MTERF1: variants seen among roughly 807,000 people sequenced by gnomAD.
The protein encoded by MTERF1 is mitochondrial transcription termination factor 1, also known as transcription termination factor 1, mitochondrial.
A neutral mutation model predicts 31.6 loss-of-function variants in MTERF1; 29 were observed. The ratio of observed to expected loss-of-function variants is 0.92; its 90% CI spans 0.68 to 1.25. MTERF1 has a LOEUF of 1.25. Ranked by LOEUF, MTERF1 falls within the 50% of genes most tolerant of loss-of-function variation. The pLI is 0.00. For synonymous variants in MTERF1, 152 were observed against 164.1 expected (o/e 0.93, Z 0.57); for missense variants, 500 against 469.1 (o/e 1.07, Z -0.61).
chr7:91,871,093 A>G lies in MTERF1; in HGVS notation c.*2501T>C, dbSNP rs1490632266. ...GGCTGGCCAATATTTCTATAATTCT[A>G]TCTTTAAAAAAAAAGAATTGACTCT... On this transcript the variant is annotated 3_prime_UTR_variant, in exon 3 of 3. Transcript: ENST00000351870. 1 of 151,920 alleles carries G rather than the reference A, an allele frequency of 6.6e-6. No individual in the cohort carries two copies. The highest frequency in any genetic ancestry group is 1.5e-5 in the Non-Finnish European group (1 of 67,982). The allele number at this position is 151,920 out of a possible 1,614,324, so 9.4% of individuals were successfully genotyped here. A position where few individuals can be genotyped will look rare whatever the true frequency, so the allele number is the denominator to read the frequency against.
In MTERF1 at chr7:91,871,471, A is replaced by C. The variant is rs1478759531; in HGVS notation, c.*2123T>G. Reference sequence around the variant, plus strand: ...AGAAATCAATACTTTAAGCCATAACAGTAAAATGTATTCCCAATACTACTG... The same window carrying C: ...AGAAATCAATACTTTAAGCCATAACCGTAAAATGTATTCCCAATACTACTG... On this transcript the variant is annotated 3_prime_UTR_variant, in exon 3 of 3. Coordinates refer to ENST00000351870, the MANE Select transcript of MTERF1 (RefSeq NM_006980.5). 1 of 152,244 alleles carries C rather than the reference A, an allele frequency of 6.6e-6. No homozygotes were observed. Among genetic ancestry groups the C allele is most frequent in the Non-Finnish European group, 1.5e-5 (1 of 68,042 alleles). The allele number at this position is 152,244 out of a possible 1,614,324, so 9.4% of individuals were successfully genotyped here. A position where few individuals can be genotyped will look rare whatever the true frequency, so the allele number is the denominator to read the frequency against.
At chr7:91,879,975 G>T in intron 2 of MTERF1, 80 bp downstream of exon 2, 1 of 1,517,956 alleles carries the variant, frequency 6.6e-7, no homozygotes, top group South Asian at 1.1e-5. Flanking sequence ...ACTAATCACT[G>T]GCCCTAAAAT....
intron 1 of MTERF1, 111 bp from the exon 2 acceptor site, chr7:91,880,224 A>C (rs1789470835): frequency 1.2e-6 from 1 of 807,062 alleles, no homozygotes; most frequent in Admixed American, 2.6e-5. Context: ...TTCTCGTGAG[A>C]TGCATTACCT....
chr7:91,877,993 C>T (rs113336403), intron 2 of MTERF1, among the ~76,000 whole-genome samples: 2 of 152,170 alleles, frequency 1.3e-5, no homozygotes, highest in African/African-American at 4.8e-5. Flanking sequence ...CCTACCTTTG[C>T]TTAAGCTGTT....
rs946429456 is a variant in MTERF1 at position 91,873,492 on chromosome 7, C to T, written c.*102G>A. The T allele has an allele frequency of 3.0e-6, 3 of 1,001,304 alleles. No homozygotes were observed. The highest frequency in any genetic ancestry group is 2.9e-6 in the Non-Finnish European group (2 of 699,056). 62.0% of individuals were successfully genotyped at this position (1,001,304 alleles called of 1,614,324 possible). On this transcript the variant is annotated 3_prime_UTR_variant, in exon 3 of 3. Transcript: ENST00000351870. Reference sequence around the variant, plus strand: ...GTAATTCAGGATAATCTCCCCATCTCAAGGCCCTTAATAACATTTTAAATT... The same window carrying T: ...GTAATTCAGGATAATCTCCCCATCTTAAGGCCCTTAATAACATTTTAAATT...
At position 91,874,108 on chromosome 7, in the gene MTERF1, T is replaced by C; in HGVS notation, c.686A>G (p.Asp229Gly). Residue 229 changes from aspartate to glycine, a missense_variant, in exon 3 of 3, where the codon GAT becomes GGT. Coordinates refer to ENST00000351870, the MANE Select transcript of MTERF1 (RefSeq NM_006980.5). The stretch of plus-strand genomic sequence containing the variant: ...TATCTTTCTGACAAAATCTGCGGGA[T>C]CATTGTGACCCAATGACAAACCGGC... Reference protein sequence around the residue: ...QAAGLSLGHNDPADFVRKIIF... With the variant: ...QAAGLSLGHNGPADFVRKIIF... 3 of 1,614,182 alleles carry C rather than the reference T, an allele frequency of 1.9e-6. No homozygotes were observed. Among genetic ancestry groups the C allele is most frequent in the Non-Finnish European group, 1.7e-6 (2 of 1,180,036 alleles).
chr7:91,877,008 T>C, intron 2 of MTERF1: 4 of 846,282 alleles, frequency 4.7e-6, no homozygotes, highest in Non-Finnish European at 5.7e-6. Flanking sequence ...TACAATGGGA[T>C]GGAGGAAGAA....
At position 91,880,132 on chromosome 7, in the gene MTERF1, CACA is replaced by C; in HGVS notation, c.-30-22_-30-20del. The C allele has an allele frequency of 6.2e-7, 1 of 1,602,140 alleles. No individual in the cohort carries two copies. Among genetic ancestry groups the C allele is most frequent in the Non-Finnish European group, 8.5e-7 (1 of 1,175,320 alleles). The stretch of plus-strand genomic sequence containing the variant: ...GCTATCTCTGGAAATGACACACACA[CACA>C]AAAAAAAGGCAAAATATTTCAGGCC... On this transcript the variant is annotated intron_variant, in intron 1 of 2. Coordinates refer to ENST00000351870, the MANE Select transcript of MTERF1 (RefSeq NM_006980.5).
chr7:91,871,808 C>T lies in MTERF1; in HGVS notation c.*1786G>A, dbSNP rs906686513. On this transcript the variant is annotated 3_prime_UTR_variant, in exon 3 of 3. Coordinates refer to ENST00000351870, the MANE Select transcript of MTERF1 (RefSeq NM_006980.5). The stretch of plus-strand genomic sequence containing the variant: ...TGGTTGCTGCTATGGTTTGACTATC[C>T]ATCCCCTCCAAAACTCATGTTGAAA... 6.6e-6 allele frequency: 1 copy of T among 152,192 alleles called. No homozygotes were observed. The highest frequency in any genetic ancestry group is 1.5e-5 in the Non-Finnish European group (1 of 68,044). The allele number at this position is 152,192 out of a possible 1,614,324, so 9.4% of individuals were successfully genotyped here.
rs558113083 is a variant in MTERF1 at position 91,879,075 on chromosome 7, G to A, written c.29+980C>T. 7.2e-5 allele frequency among the ~76,000 whole-genome samples: 11 copies of A among 152,166 alleles called. No homozygotes were observed. In the South Asian group the frequency reaches 2.1e-3, roughly 29 times the overall value. On this transcript the variant is annotated intron_variant, in intron 2 of 2. Coordinates refer to ENST00000351870, the MANE Select transcript of MTERF1 (RefSeq NM_006980.5). The stretch of plus-strand genomic sequence containing the variant: ...CAATAACTGCTTAAACCTGGGAGGC[G>A]GAGGTTGTAGTGAGCTGAGATTGCA...
chr7:91,877,039 G>T (rs1282475063), intron 2 of MTERF1: 6 of 581,850 alleles, frequency 1.0e-5, no homozygotes, highest in Non-Finnish European at 1.3e-5. Context: ...ACTACAATTT[G>T]TATTTGTCTT....
chr7:91,876,750 TA>T, intron 2 of MTERF1: 2 of 234,740 alleles, frequency 8.5e-6, no homozygotes, highest in Non-Finnish European at 1.4e-5. Context: ...ATCCATACTC[TA>T]CTGAGCTCAC....
At chr7:91,879,963 T>C in intron 2 of MTERF1, 92 bp downstream of exon 2, 5 of 1,480,930 alleles carry the variant, frequency 3.4e-6, no homozygotes, top group South Asian at 2.3e-5. Context: ...TTAATGGAAA[T>C]AACTAATCAC....
rs997324459 is a variant in MTERF1, at chr7:91,871,105, AAAG to A, written c.*2486_*2488del. The A allele has an allele frequency of 2.0e-5, 3 of 152,106 alleles. No homozygotes were observed. The highest frequency in any genetic ancestry group is 7.2e-5 in the African/African-American group (3 of 41,416). The allele number at this position is 152,106 out of a possible 1,614,324, so 9.4% of individuals were successfully genotyped here. On this transcript the variant is annotated 3_prime_UTR_variant, in exon 3 of 3. Coordinates refer to ENST00000351870, the MANE Select transcript of MTERF1 (RefSeq NM_006980.5). ...TTTCTATAATTCTATCTTTAAAAAAAAAGAATTGACTCTCCCTTGATCAGACTC... is the reference window on the plus strand; with the variant it reads ...TTTCTATAATTCTATCTTTAAAAAAAAATTGACTCTCCCTTGATCAGACTC...
At chr7:91,880,316 C>A in intron 1 of MTERF1, 1 of 532,680 alleles carries the variant, frequency 1.9e-6, no homozygotes. Flanking sequence ...GTAGCGGAAT[C>A]ACGAATACGT....
rs981685585 is a variant in MTERF1 at position 91,871,975 on chromosome 7, A to G, written c.*1619T>C. 1 of 152,210 alleles carries G rather than the reference A, an allele frequency of 6.6e-6. No homozygotes were observed. Among genetic ancestry groups the G allele is most frequent in the Admixed American group, 6.5e-5 (1 of 15,270 alleles). The allele number at this position is 152,210 out of a possible 1,614,324, so 9.4% of individuals were successfully genotyped here. On this transcript the variant is annotated 3_prime_UTR_variant, in exon 3 of 3. Transcript: ENST00000351870. ...ATCATGGGAGTGGACTGGTGGCTTTATAAGAGGAAAAGAGACCTAAGTACA... is the reference window on the plus strand; with the variant it reads ...ATCATGGGAGTGGACTGGTGGCTTTGTAAGAGGAAAAGAGACCTAAGTACA...
chr7:91,871,467 T>C lies in MTERF1; in HGVS notation c.*2127A>G, dbSNP rs1431460842. On this transcript the variant is annotated 3_prime_UTR_variant, in exon 3 of 3. Coordinates refer to ENST00000351870, the MANE Select transcript of MTERF1 (RefSeq NM_006980.5). ...CTTAAGAAATCAATACTTTAAGCCA[T>C]AACAGTAAAATGTATTCCCAATACT... is the stretch of plus-strand genomic sequence containing the variant. 6.6e-6 allele frequency: 1 copy of C among 152,168 alleles called. No homozygotes were observed. Among genetic ancestry groups the C allele is most frequent in the Non-Finnish European group, 1.5e-5 (1 of 68,026 alleles). 9.4% of individuals were successfully genotyped at this position (152,168 alleles called of 1,614,324 possible).
chr7:91,880,274 G>C, intron 1 of MTERF1, 161 bp from the exon 2 acceptor site: 1 of 604,450 alleles, frequency 1.7e-6, no homozygotes, highest in Non-Finnish European at 2.9e-6. Flanking sequence ...AAAAGAAAAC[G>C]GCAAGTACAT....
intron 1 of MTERF1, 173 bp downstream of exon 1, chr7:91,880,484 A>C: frequency 9.8e-6 from 2 of 205,004 alleles, no homozygotes; most frequent in South Asian, 1.5e-4. Context: ...GTTCGAACCC[A>C]GGTGGGTCTT....
Sources: gnomAD v4.1 joint callset for allele counts (sites outside exome capture counted in the v4.1 genomes callset) on GRCh38, gnomAD v4.1.1 for gene constraint, MANE v1.5 for transcripts, NCBI Gene and HGNC (gene_info 2026-07-23, HGNC 2026-07-21) for gene names.